GLIS3: variants seen among roughly 807,000 people sequenced by gnomAD.
The protein encoded by GLIS3 is zinc finger protein GLIS3.
GLIS3 carries 53 observed loss-of-function variants against 78.6 expected under a neutral mutation model. The ratio of observed to expected loss-of-function variants is 0.67; its 90% confidence interval spans 0.54 to 0.85. The LOEUF (loss-of-function observed/expected upper bound fraction) is 0.85, where lower values mean the gene tolerates loss of function less well. GLIS3 is among the 40% of genes least tolerant of loss of function. GLIS3 has a pLI of 0.00. For synonymous variants in GLIS3, 684 were observed against 509.9 expected (o/e 1.34, Z -4.60); for missense variants, 1,703 against 1,231.1 (o/e 1.38, Z -5.74).
the GLIS3 span, among the ~76,000 whole-genome samples, chr9:4,411,029 AC>A: frequency 3.3e-5 from 5 of 152,338 alleles, no homozygotes; most frequent in East Asian, 9.6e-4. Flanking sequence ...AAGAACCAAA[AC>A]AAGTATGTAA....
chr9:4,110,987 T>C (rs762337022), intron 4 of GLIS3, among the ~76,000 whole-genome samples: 2 of 152,130 alleles, frequency 1.3e-5, no homozygotes, highest in Non-Finnish European at 2.9e-5. Context: ...GAAAAGGTAA[T>C]CAAGAAATAT....
intron 4 of GLIS3, among the ~76,000 whole-genome samples, chr9:4,307,831 G>C (rs1379449728): frequency 2.0e-5 from 3 of 152,094 alleles, no homozygotes; most frequent in African/African-American, 7.2e-5. Flanking sequence ...TTCCTTCCTA[G>C]AGCCTCCAGA....
intron 2 of GLIS3, among the ~76,000 whole-genome samples, chr9:4,282,825 C>T (rs952342323): frequency 6.6e-6 from 1 of 151,934 alleles, no homozygotes; most frequent in Non-Finnish European, 1.5e-5. Context: ...ATTAATAAAC[C>T]CACAAGAGTC....
the GLIS3 span, among the ~76,000 whole-genome samples, chr9:4,468,229 G>A: frequency 6.6e-6 from 1 of 152,224 alleles, no homozygotes; most frequent in African/African-American, 2.4e-5. Flanking sequence ...TTATCCAGGA[G>A]AATTTCCCCA....
At chr9:4,374,096 T>A in the GLIS3 span, among the ~76,000 whole-genome samples, 1 of 152,180 alleles carries the variant, frequency 6.6e-6, no homozygotes, top group South Asian at 2.1e-4. Context: ...ATACACGAAA[T>A]CTGTCCACCT....
At chr9:4,122,596 G>C (rs1433224275) in intron 3 of GLIS3, among the ~76,000 whole-genome samples, 1 of 152,096 alleles carries the variant, frequency 6.6e-6, no homozygotes, top group Non-Finnish European at 1.5e-5. Flanking sequence ...CTAAGCACTT[G>C]GACTTTCTGT....
chr9:4,408,164 T>C, the GLIS3 span, among the ~76,000 whole-genome samples: 1 of 152,054 alleles, frequency 6.6e-6, no homozygotes, highest in Non-Finnish European at 1.5e-5. Flanking sequence ...ACGCTGTCAG[T>C]GGGAATGTAA....
intron 4 of GLIS3, among the ~76,000 whole-genome samples, chr9:4,086,265 C>T (rs1030848544): frequency 1.3e-5 from 2 of 152,328 alleles, no homozygotes; most frequent in South Asian, 2.1e-4. Context: ...CAAGTCCCAA[C>T]TGAAGAATCA....
intron 4 of GLIS3, among the ~76,000 whole-genome samples, chr9:4,099,832 A>G (rs1830231411): frequency 6.6e-6 from 1 of 152,240 alleles, no homozygotes. Context: ...ATTTAAATTG[A>G]TAAAAGATTT....
intron 4 of GLIS3, among the ~76,000 whole-genome samples, chr9:4,058,883 G>C (rs1350971308): frequency 6.6e-6 from 1 of 151,872 alleles, no homozygotes; most frequent in Admixed American, 6.6e-5. Context: ...TGAGGAGGCT[G>C]AGGCAGGAGA....
At chr9:4,348,549 A>G (rs561820280), upstream of GLIS3, among the ~76,000 whole-genome samples, 5 of 152,316 alleles carry the variant, frequency 3.3e-5, no homozygotes, top group African/African-American at 4.8e-5. Flanking sequence ...CACCTACTCC[A>G]AGGAGGCTGG....
chr9:3,930,571 T>C (rs1241956827), intron 6 of GLIS3, among the ~76,000 whole-genome samples: 3 of 152,196 alleles, frequency 2.0e-5, no homozygotes, highest in African/African-American at 7.2e-5. Flanking sequence ...GGAGAAACCA[T>C]TAATAATTCC....
the GLIS3 span, among the ~76,000 whole-genome samples, chr9:4,436,472 A>G: frequency 6.6e-6 from 1 of 152,002 alleles, no homozygotes; most frequent in African/African-American, 2.4e-5. Flanking sequence ...CATGACCCCC[A>G]AGCTACCTTC....
intron 4 of GLIS3, among the ~76,000 whole-genome samples, chr9:3,991,733 C>T (rs1588406796): frequency 7.9e-6 from 1 of 126,138 alleles, no homozygotes; most frequent in Non-Finnish European, 1.6e-5. Flanking sequence ...CTCTGTCGCC[C>T]AGGCTGGAGT....
chr9:4,445,034 G>C, the GLIS3 span, among the ~76,000 whole-genome samples: 1 of 152,004 alleles, frequency 6.6e-6, no homozygotes, highest in African/African-American at 2.4e-5. Context: ...TATACTAGTT[G>C]GTTGCATTTC....
chr9:4,334,169 G>A (rs1817721869), intron 2 of GLIS3, among the ~76,000 whole-genome samples: 2 of 152,172 alleles, frequency 1.3e-5, no homozygotes, highest in African/African-American at 2.4e-5. Context: ...AATAGGAATT[G>A]ATTCTACTAC....
chr9:4,320,852 C>T (rs989991956), intron 2 of GLIS3, among the ~76,000 whole-genome samples: 1 of 152,162 alleles, frequency 6.6e-6, no homozygotes, highest in African/African-American at 2.4e-5. Flanking sequence ...CATATTCATT[C>T]TGGTCTCTCT....
chr9:4,022,644 A>C (rs896714196), intron 4 of GLIS3, among the ~76,000 whole-genome samples: 6 of 152,132 alleles, frequency 3.9e-5, no homozygotes, highest in Non-Finnish European at 8.8e-5. Flanking sequence ...TGGACTTCTT[A>C]TTCACAATAG....
Position 4,275,615 on chromosome 9 carries a change from A to T in GLIS3, c.388+10423T>A, listed in dbSNP as rs146146534. On this transcript the variant is annotated intron_variant, in intron 2 of 10. Transcript: ENST00000381971. ...TCTCTACAAAAATTAAAAAAAAAAA[A>T]AGCCAGGTGTGGTGATACACCCCTG... Among the ~76,000 whole-genome samples, 352 of 150,960 alleles carry T rather than the reference A, an allele frequency of 2.3e-3. 1 individual carries two copies. Among genetic ancestry groups the T allele is most frequent in the African/African-American group, 8.3e-3 (342 of 41,122 alleles).
Sources: gnomAD v4.1 joint callset for allele counts (sites outside exome capture counted in the v4.1 genomes callset) on GRCh38, gnomAD v4.1.1 for gene constraint, MANE v1.5 for transcripts, NCBI Gene and HGNC (gene_info 2026-07-23, HGNC 2026-07-21) for gene names.